WWC1: variants seen among roughly 807,000 people sequenced by gnomAD.
WWC1 encodes the protein protein KIBRA.
A neutral mutation model predicts 138.4 loss-of-function variants in WWC1; 55 were observed. That is an observed-to-expected ratio of 0.40 (90% CI 0.32 to 0.50). WWC1 has a LOEUF of 0.50. Ranked by LOEUF, WWC1 falls within the 20% of genes least tolerant of loss-of-function variation. The pLI is 0.72. For missense variants in WWC1, 1,226 were observed against 1,420.4 expected (o/e 0.86, Z 2.20); for synonymous variants, 524 against 564.9 (o/e 0.93, Z 1.03).
At chr5:168,462,656 C>T (rs894866322) in intron 20 of WWC1, among the ~76,000 whole-genome samples, 1 of 152,236 alleles carries the variant, frequency 6.6e-6, no homozygotes, top group African/African-American at 2.4e-5. Context: ...TCATCATCCC[C>T]TGTTCCCCTT....
chr5:168,296,551 C>G (rs1769554876), intron 1 of WWC1, among the ~76,000 whole-genome samples: 1 of 152,152 alleles, frequency 6.6e-6, no homozygotes, highest in African/African-American at 2.4e-5. Context: ...TAACCCCTGC[C>G]ATAGATAAGC....
At chr5:168,375,399 C>A (rs1777085868) in intron 2 of WWC1, among the ~76,000 whole-genome samples, 1 of 152,012 alleles carries the variant, frequency 6.6e-6, no homozygotes, top group Admixed American at 6.6e-5. Context: ...AGGGCAAATA[C>A]AAAGAGGACC....
intron 14 of WWC1, among the ~76,000 whole-genome samples, chr5:168,430,850 C>T (rs1214473310): frequency 6.6e-6 from 1 of 152,162 alleles, no homozygotes; most frequent in Non-Finnish European, 1.5e-5. Flanking sequence ...TACACTCAGC[C>T]AGCCTGTGAG....
At chr5:168,364,226 C>G (rs143634483) in intron 1 of WWC1, among the ~76,000 whole-genome samples, 2 of 152,200 alleles carry the variant, frequency 1.3e-5, no homozygotes, top group African/African-American at 4.8e-5. Flanking sequence ...GTTTCAGCCT[C>G]GCATCCCATT....
At chr5:168,377,727 G>A (rs770607411) in intron 2 of WWC1, among the ~76,000 whole-genome samples, 8 of 152,168 alleles carry the variant, frequency 5.3e-5, no homozygotes, top group African/African-American at 1.4e-4. Context: ...AAACCACAGC[G>A]AGATACCATC....
At position 168,329,700 on chromosome 5, in the gene WWC1, T is replaced by G. The variant is rs935454713; in HGVS notation, c.119+37429T>G. 5.3e-5 allele frequency among the ~76,000 whole-genome samples: 8 copies of G among 152,324 alleles called. No homozygotes were observed. In the South Asian group the frequency reaches 6.2e-4, roughly 12 times the overall value. On this transcript the variant is annotated intron_variant, in intron 1 of 22. Transcript: ENST00000265293. ...GAGAGTTAGGAAAGCCTGCTTTGCT[T>G]CTTCTGCTGCCAGGGAGGTCAGTGC...
chr5:168,382,651 A>G (rs1306861475), intron 2 of WWC1, among the ~76,000 whole-genome samples: 2 of 152,174 alleles, frequency 1.3e-5, no homozygotes, highest in African/African-American at 2.4e-5. Flanking sequence ...AACCCACAGC[A>G]GCTGTTCTGT....
chr5:168,381,622 A>G (rs986326041), intron 2 of WWC1, among the ~76,000 whole-genome samples: 1 of 152,118 alleles, frequency 6.6e-6, no homozygotes, highest in South Asian at 2.1e-4. Flanking sequence ...GGGTGATTCT[A>G]ATGTTCAACC....
At chr5:168,304,258 T>A (rs933196840) in intron 1 of WWC1, among the ~76,000 whole-genome samples, 23 of 152,320 alleles carry the variant, frequency 1.5e-4, no homozygotes, top group African/African-American at 4.8e-4. Flanking sequence ...CCACTTCTTG[T>A]TTCTCTCTGA....
At chr5:168,447,796 T>C (rs183403229) in intron 17 of WWC1, among the ~76,000 whole-genome samples, 5 of 151,866 alleles carry the variant, frequency 3.3e-5, no homozygotes, top group African/African-American at 1.2e-4. Context: ...TCTTTCTTTC[T>C]CTCTCTCTGT....
intron 11 of WWC1, among the ~76,000 whole-genome samples, chr5:168,426,412 AG>A (rs1561749061): frequency 6.6e-6 from 1 of 151,990 alleles, no homozygotes; most frequent in African/African-American, 2.4e-5. Context: ...CCTCCCTAAC[AG>A]TGTCTTTGGG....
Position 168,406,603 on chromosome 5 carries a change from C to T in WWC1, c.720+276C>T, listed in dbSNP as rs147643902. On this transcript the variant is annotated intron_variant, in intron 6 of 22. Transcript: ENST00000265293. ...GCCACATCCTTGCCACTAGCTCTAA[C>T]TACCTGACTTATTTTTTCTTTGTTT... Among the ~76,000 whole-genome samples, 1,078 of 152,316 alleles carry T rather than the reference C, an allele frequency of 7.1e-3. 10 individuals are homozygous for T. The highest frequency in any genetic ancestry group is 0.025 in the African/African-American group (1,047 of 41,566).
At chr5:168,462,068 GA>G (rs34668939) in intron 20 of WWC1, among the ~76,000 whole-genome samples, 47,077 of 150,092 alleles carry the variant, frequency 0.31, 8,577 homozygotes, top group South Asian at 0.43. Context: ...AAAAAAAAAA[GA>G]AAGAAAGAAA....
intron 16 of WWC1, among the ~76,000 whole-genome samples, chr5:168,442,416 A>G (rs868710639): frequency 6.7e-6 from 1 of 149,016 alleles, no homozygotes. Context: ...AAGCCTGGGC[A>G]ACATGGTGAG....
intron 1 of WWC1, among the ~76,000 whole-genome samples, chr5:168,355,617 GCT>G (rs894704038): frequency 2.6e-5 from 4 of 152,112 alleles, no homozygotes; most frequent in African/African-American, 9.7e-5. Flanking sequence ...GGAGCAAAAG[GCT>G]CTGAGGTGGG....
chr5:168,444,709 C>T (rs753831367), intron 17 of WWC1, 124 bp downstream of exon 17: 73 of 949,532 alleles, frequency 7.7e-5, no homozygotes, highest in Non-Finnish European at 1.1e-4. Context: ...AACCCCTCTC[C>T]TCATGGGTTC....
At chr5:168,299,980 T>G (rs1769917973) in intron 1 of WWC1, among the ~76,000 whole-genome samples, 1 of 152,132 alleles carries the variant, frequency 6.6e-6, no homozygotes, top group Admixed American at 6.5e-5. Flanking sequence ...CCACTTCACT[T>G]GGAGAAGTGG....
chr5:168,414,213 C>T, intron 8 of WWC1, 135 bp from the exon 9 acceptor site: 1 of 1,340,742 alleles, frequency 7.5e-7, no homozygotes, highest in South Asian at 1.5e-5. Context: ...AAAATAGGTT[C>T]CTTGAGATGA....
At chr5:168,466,549 T>C (rs1757312197) in intron 21 of WWC1, among the ~76,000 whole-genome samples, 1 of 152,180 alleles carries the variant, frequency 6.6e-6, no homozygotes. Context: ...CCGGACTTCT[T>C]AGGCCTGGAC....
Sources: allele counts gnomAD v4.1 joint callset (sites outside exome capture counted in the v4.1 genomes callset), GRCh38; gene constraint gnomAD v4.1.1; transcripts MANE v1.5; gene names NCBI Gene and HGNC (gene_info 2026-07-23, HGNC 2026-07-21).